POP1: variants seen among roughly 807,000 people sequenced by gnomAD.
The protein encoded by POP1 is POP1 ribonuclease P/MRP subunit, also known as ribonucleases P/MRP protein subunit POP1.
Under a neutral mutation model 102.2 loss-of-function variants are expected in POP1, and 75 were observed. That is an observed-to-expected ratio of 0.73 (90% CI 0.61 to 0.89). POP1 has a LOEUF of 0.89. Ranked by LOEUF, POP1 falls within the 40% of genes least tolerant of loss-of-function variation. POP1 has a pLI of 0.00. For missense variants in POP1, 1,116 were observed against 1,267.4 expected (o/e 0.88, Z 1.81); for synonymous variants, 436 against 464.1 (o/e 0.94, Z 0.78).
intron 1 of POP1, among the ~76,000 whole-genome samples, chr8:98,119,197 A>C (rs1815942136): frequency 6.6e-6 from 1 of 152,258 alleles, no homozygotes; most frequent in Admixed American, 6.5e-5. Flanking sequence ...TTTATTTACA[A>C]AATAATTCAC....
rs145484648 is a variant in POP1, at chr8:98,123,347, G to A, written c.10G>A (p.Ala4Thr). Residue 4 changes from alanine to threonine, a missense_variant, in exon 2 of 16, where the codon GCA becomes ACA. Physicochemically the swap from Ala to Thr is moderately conservative, Grantham distance 58. Coordinates refer to ENST00000401707, the MANE Select transcript of POP1 (RefSeq NM_001145860.2). ...TACTTCCTTTCCAGAAATGTCAAAT[G>A]CAAAAGAAAGAAAACACGCCAAGAA... MSNAKERKHAKKMR... is the reference protein window; with the variant it reads MSNTKERKHAKKMR... 3.4e-3 allele frequency: 5,500 copies of A among 1,613,516 alleles called. 80 individuals carry two copies. The South Asian group carries it at 0.034, about 10-fold the overall frequency.
intron 14 of POP1, among the ~76,000 whole-genome samples, chr8:98,154,572 G>A (rs1418236921): frequency 4.6e-5 from 7 of 152,178 alleles, no homozygotes; most frequent in Admixed American, 2.6e-4. Context: ...GGTGAAGTAA[G>A]ACATGCGAAG....
intron 14 of POP1, among the ~76,000 whole-genome samples, chr8:98,152,554 C>T (rs921959197): frequency 3.9e-5 from 6 of 152,134 alleles, no homozygotes; most frequent in African/African-American, 7.2e-5. Context: ...TATGGACCCT[C>T]GGATTTGAAT....
chr8:98,130,103 T>C lies in POP1; in HGVS notation c.612T>C (p.Thr204=), dbSNP rs145549994. The change falls in exon 5 of 16, where the codon ACT becomes ACC. Residue 204 remains threonine, a synonymous_variant. Coordinates refer to ENST00000401707, the MANE Select transcript of POP1 (RefSeq NM_001145860.2). ...AAAAGAAGAACATTTGGTTAGAAAC[T>C]CACATCTGGCACGCCAAGCGGTTTC... The part of the protein sequence containing the change: ...RRQKKNIWLE[T]HIWHAKRFHM... The C allele has an allele frequency of 3.7e-6, 6 of 1,614,030 alleles. No homozygotes were observed. Among genetic ancestry groups the C allele is most frequent in the Non-Finnish European group, 5.1e-6 (6 of 1,180,028 alleles).
chr8:98,126,911 C>T (rs907496936), intron 2 of POP1, among the ~76,000 whole-genome samples: 2 of 152,104 alleles, frequency 1.3e-5, no homozygotes, highest in African/African-American at 4.8e-5. Flanking sequence ...GAATTTGATA[C>T]ACTTCTGGTC....
At chr8:98,154,601 T>C (rs1414359700) in intron 14 of POP1, among the ~76,000 whole-genome samples, 1 of 152,102 alleles carries the variant, frequency 6.6e-6, no homozygotes, top group Non-Finnish European at 1.5e-5. Flanking sequence ...GGAAGGTGAC[T>C]GGTGGGTTAT....
chr8:98,136,721 C>G lies in POP1; in HGVS notation c.1251C>G (p.Thr417=). 6.2e-7 allele frequency: 1 copy of G among 1,613,930 alleles called. No homozygotes were observed. The highest frequency in any genetic ancestry group is 8.5e-7 in the Non-Finnish European group (1 of 1,179,814). The part of the protein sequence containing the change: ...PCLPYSWISP[T]TGIIISDLTM... ...TACCATACTCTTGGATCTCTCCAAC[C>G]ACAGGCATTATAATCAGGTATGAGT... The change falls in exon 8 of 16, where the codon ACC becomes ACG. Residue 417 remains threonine (T), a synonymous_variant. Coordinates refer to ENST00000401707, the MANE Select transcript of POP1 (RefSeq NM_001145860.2).
intron 12 of POP1, among the ~76,000 whole-genome samples, chr8:98,147,024 T>C (rs1816860549): frequency 5.3e-5 from 8 of 152,274 alleles, no homozygotes; most frequent in Admixed American, 5.2e-4. Flanking sequence ...GACTTTTTCT[T>C]GAAATGATGA....
At chr8:98,127,492 G>T in intron 2 of POP1, 103 bp from the exon 3 acceptor site, 2 of 1,381,136 alleles carry the variant, frequency 1.4e-6, no homozygotes, top group South Asian at 1.2e-5. Flanking sequence ...GGTGACTATA[G>T]GATTAAAAAC....
chr8:98,149,129 C>T, intron 13 of POP1, 123 bp downstream of exon 13: 1 of 946,438 alleles, frequency 1.1e-6, no homozygotes, highest in Non-Finnish European at 1.6e-6. Flanking sequence ...GTATTTCTGC[C>T]CTTAGAGCTA....
At chr8:98,138,947 G>A (rs1167709539) in intron 9 of POP1, among the ~76,000 whole-genome samples, 3 of 150,832 alleles carry the variant, frequency 2.0e-5, no homozygotes, top group African/African-American at 7.3e-5. Flanking sequence ...CCACCTCTCA[G>A]GTTCAAGCAA....
intron 14 of POP1, among the ~76,000 whole-genome samples, chr8:98,154,763 G>A (rs897027282): frequency 2.0e-5 from 3 of 152,028 alleles, no homozygotes; most frequent in African/African-American, 7.3e-5. Context: ...CTTTAATAGA[G>A]GACTGTCTAA....
At chr8:98,121,214 C>T (rs2130571174) in intron 1 of POP1, among the ~76,000 whole-genome samples, 1 of 152,304 alleles carries the variant, frequency 6.6e-6, no homozygotes, top group East Asian at 1.9e-4. Flanking sequence ...CTTTCAAACT[C>T]CATAGTGAAA....
rs1347692471 is a variant in POP1, at chr8:98,134,072, T to G, written c.823+36T>G. On this transcript the variant is annotated intron_variant, in intron 6 of 15. Transcript: ENST00000401707. ...TTTAAAGCTGAGTTCTATTTTAGTCTATGTATATTTATTCATTTCATAAAG... is the reference window on the plus strand; with the variant it reads ...TTTAAAGCTGAGTTCTATTTTAGTCGATGTATATTTATTCATTTCATAAAG... 4.2e-6 allele frequency: 6 copies of G among 1,425,624 alleles called. No individual in the cohort carries two copies. The African/African-American group carries it at 7.0e-5, about 17-fold the overall frequency. 88.3% of individuals were successfully genotyped at this position (1,425,624 alleles called of 1,614,324 possible).
chr8:98,155,976 A>G (rs1809637812), intron 14 of POP1, 74 bp from the exon 15 acceptor site: 1 of 1,456,380 alleles, frequency 6.9e-7, no homozygotes, highest in South Asian at 1.1e-5. Flanking sequence ...GAGATGCATT[A>G]TAATGGTTAT....
chr8:98,143,175 A>G (rs1203775900), intron 11 of POP1, among the ~76,000 whole-genome samples: 2 of 152,204 alleles, frequency 1.3e-5, no homozygotes, highest in African/African-American at 4.8e-5. Flanking sequence ...GAAAGAAAAC[A>G]TGCTTTGAGT....
chr8:98,129,048 G>A (rs1255618505), intron 4 of POP1, among the ~76,000 whole-genome samples: 1 of 152,054 alleles, frequency 6.6e-6, no homozygotes, highest in South Asian at 2.1e-4. Context: ...GGCTATTATG[G>A]GTGCTTTGAA....
chr8:98,149,496 C>T (rs1032911807), intron 13 of POP1, among the ~76,000 whole-genome samples: 1 of 152,066 alleles, frequency 6.6e-6, no homozygotes, highest in African/African-American at 2.4e-5. Context: ...GTGGCTCACT[C>T]CTGTAATCCC....
At chr8:98,123,137 ATTC>A (rs1816083156) in intron 1 of POP1, among the ~76,000 whole-genome samples, 196 bp from the exon 2 acceptor site, 1 of 152,178 alleles carries the variant, frequency 6.6e-6, no homozygotes, top group African/African-American at 2.4e-5. Flanking sequence ...CTCATTTTTC[ATTC>A]TTCTAACAGA....
Sources: allele counts gnomAD v4.1 joint callset (sites outside exome capture counted in the v4.1 genomes callset), GRCh38; gene constraint gnomAD v4.1.1; transcripts MANE v1.5; gene names NCBI Gene and HGNC (gene_info 2026-07-23, HGNC 2026-07-21).